Variants in F8 observed in about 807,000 individuals in gnomAD.
The protein encoded by F8 is coagulation factor VIII.
F8 carries 12 observed loss-of-function variants against 140.6 expected under a neutral mutation model. That is an observed-to-expected ratio of 0.09 (90% CI 0.05 to 0.14). The LOEUF is 0.14. Among genes scored for constraint, F8 ranks in the 10% least tolerant of loss-of-function variants. The probability of loss-of-function intolerance (pLI) is 1.00; values close to 1 mark genes in which losing one functional copy is unlikely to be tolerated. For missense variants in F8, 1,354 were observed against 1,720.7 expected, an observed-to-expected ratio of 0.79 and a Z score of 3.77; for synonymous variants, 585 against 614.6, an observed-to-expected ratio of 0.95 and a Z score of 0.71.
intron 1 of F8, among the ~76,000 whole-genome samples, chrX:155,017,884 T>A (rs1557287163): frequency 9.0e-6 from 1 of 111,430 alleles, no homozygotes; most frequent in African/African-American, 3.3e-5. Context: ...TTTATTTTTT[T>A]ATTTTTTGAA....
intron 21 of F8, chrX:154,897,480 CAT>C (rs1236219999): frequency 8.9e-6 from 1 of 112,311 alleles, no homozygotes; most frequent in Admixed American, 9.5e-5. Flanking sequence ...GACCTTATAT[CAT>C]ATATGTTTTT....
chrX:154,837,459 T>C lies in F8; in HGVS notation c.*138A>G. 2.9e-6 allele frequency: 2 copies of C among 686,462 alleles called. No homozygotes were observed. 56.6% of individuals were successfully genotyped at this position (686,462 alleles called of 1,213,427 possible). On this transcript the variant is annotated 3_prime_UTR_variant, in exon 26 of 26. Transcript: ENST00000360256. ...CCCCACCAAAGAAATGCAGGACTGA[T>C]GATAGTTAATTCAGGAGGCTTCAAG...
chrX:154,947,977 G>A, intron 12 of F8, 70 bp from the exon 13 acceptor site: 1 of 817,183 alleles, frequency 1.2e-6, no homozygotes, highest in Non-Finnish European at 1.8e-6. Flanking sequence ...TGATTGTCAT[G>A]ATACAATTAG....
At chrX:154,966,326 C>A (rs1274559766) in intron 8 of F8, 100 bp downstream of exon 8, 10 of 1,073,313 alleles carry the variant, frequency 9.3e-6, no homozygotes, top group Non-Finnish European at 1.3e-5. Context: ...ATACCTGTAC[C>A]TAACCTTAAA....
intron 6 of F8, among the ~76,000 whole-genome samples, chrX:154,982,909 AATATACAGCAT>A (rs782006749): frequency 5.3e-5 from 6 of 112,588 alleles, no homozygotes; most frequent in African/African-American, 1.9e-4. Context: ...CTTTATTGAA[AATATACAGCAT>A]ATAATACATA....
At chrX:154,851,496 A>G (rs2072614760) in intron 25 of F8, among the ~76,000 whole-genome samples, 1 of 111,477 alleles carries the variant, frequency 9.0e-6, no homozygotes, top group Non-Finnish European at 1.9e-5. Context: ...GCCCTATTTC[A>G]CATTCTCATC....
intron 9 of F8, among the ~76,000 whole-genome samples, chrX:154,961,759 C>T (rs1425927350): frequency 6.3e-5 from 7 of 111,012 alleles, no homozygotes; most frequent in South Asian, 3.9e-4. Context: ...GATGGGAGAT[C>T]GGGCATGCCT....
intron 13 of F8, among the ~76,000 whole-genome samples, chrX:154,940,706 A>G (rs1351761442): frequency 8.9e-6 from 1 of 111,802 alleles, no homozygotes; most frequent in Non-Finnish European, 1.9e-5. Flanking sequence ...TCCAAGACAT[A>G]TAATTGTCAG....
intron 22 of F8, among the ~76,000 whole-genome samples, chrX:154,881,763 T>C (rs782416281): frequency 8.2e-4 from 92 of 111,678 alleles, no homozygotes; most frequent in Non-Finnish European, 1.5e-3. Flanking sequence ...TACTTAATGG[T>C]GAAAGACTGG....
At chrX:154,955,165 C>CTTTTTTTTTTT (rs1185466045) in intron 11 of F8, among the ~76,000 whole-genome samples, 2 of 36,077 alleles carry the variant, frequency 5.5e-5, no homozygotes, top group African/African-American at 1.2e-4. Flanking sequence ...ATTTATTAAG[C>CTTTTTTTTTTT]TTTTTTTTTT....
chrX:155,000,290 A>G (rs1288369767), intron 1 of F8, among the ~76,000 whole-genome samples: 2 of 112,183 alleles, frequency 1.8e-5, no homozygotes, highest in African/African-American at 6.5e-5. Context: ...AAAAGGACCA[A>G]TGTGAATCTT....
chrX:154,962,992 G>A (rs2073404539), intron 9 of F8, among the ~76,000 whole-genome samples: 1 of 111,283 alleles, frequency 9.0e-6, no homozygotes, highest in African/African-American at 3.3e-5. Context: ...CAGATCTGAG[G>A]TGTGTGATAT....
rs147382988 is a variant in F8, at chrX:154,964,387, C to T, written c.1443+1583G>A. Among the ~76,000 whole-genome samples, 472 of 110,904 alleles carry T rather than the reference C, an allele frequency of 4.3e-3. 1 individual carries two copies. The highest frequency in any genetic ancestry group is 0.015 in the African/African-American group (458 of 30,467). On this transcript the variant is annotated intron_variant, in intron 9 of 25. Transcript: ENST00000360256. ...CAAAAAATGAAAAATAGAAAAAATA[C>T]GTACACAAAATTTATGAAGAAAAAT...
chrX:154,984,633 C>T (rs1235287200), intron 6 of F8, 54 bp downstream of exon 6: 4 of 918,674 alleles, frequency 4.4e-6, no homozygotes, highest in Admixed American at 2.2e-5. Context: ...AAGTACAGAA[C>T]TCTGGTGCTG....
intron 14 of F8, chrX:154,909,505 T>C (rs782013459): frequency 2.0e-4 from 23 of 115,523 alleles, no homozygotes; most frequent in Non-Finnish European, 4.0e-4. Flanking sequence ...CTGACTTCCT[T>C]ATTGATTTCC....
At chrX:154,872,587 T>A (rs1344853039) in intron 22 of F8, among the ~76,000 whole-genome samples, 2 of 110,591 alleles carry the variant, frequency 1.8e-5, no homozygotes, top group African/African-American at 3.3e-5. Context: ...TTAGGAGAAA[T>A]ACCTAATGTA....
intron 4 of F8, among the ~76,000 whole-genome samples, chrX:154,991,390 T>A (rs2073587701): frequency 8.9e-6 from 1 of 112,498 alleles, no homozygotes; most frequent in Non-Finnish European, 1.9e-5. Flanking sequence ...GGTAATACTT[T>A]CAATTCTAGT....
intron 9 of F8, among the ~76,000 whole-genome samples, chrX:154,963,867 G>C (rs2073409603): frequency 9.2e-6 from 1 of 108,451 alleles, no homozygotes; most frequent in Non-Finnish European, 1.9e-5. Flanking sequence ...TTGAGACAGA[G>C]TCTCACTCTG....
chrX:154,942,904 C>T (rs2073277799), intron 13 of F8, among the ~76,000 whole-genome samples: 2 of 106,660 alleles, frequency 1.9e-5, no homozygotes, highest in Admixed American at 2.0e-4. Flanking sequence ...TAAACAGAAC[C>T]AAAGACAAAA....
Sources: allele counts gnomAD v4.1 joint callset (sites outside exome capture counted in the v4.1 genomes callset), GRCh38; gene constraint gnomAD v4.1.1; transcripts MANE v1.5; gene names NCBI Gene and HGNC (gene_info 2026-07-23, HGNC 2026-07-21).